The following ARHGAP24 variants were observed in gnomAD, a reference collection of about 807,000 sequenced individuals.
ARHGAP24 encodes rho GTPase-activating protein 24.
Under a neutral mutation model 76.4 loss-of-function variants are expected in ARHGAP24, and 50 were observed. The ratio of observed to expected loss-of-function variants is 0.65; its 90% CI spans 0.52 to 0.83. The LOEUF (loss-of-function observed/expected upper bound fraction) is 0.83, where lower values mean the gene tolerates loss of function less well. Ranked by LOEUF, ARHGAP24 falls within the 40% of genes least tolerant of loss-of-function variation. The pLI is 0.00. For synonymous variants in ARHGAP24, 345 were observed against 323.3 expected (o/e 1.07, Z -0.72); for missense variants, 930 against 914.2 (o/e 1.02, Z -0.22).
intron 3 of ARHGAP24, among the ~76,000 whole-genome samples, chr4:85,878,998 T>C (rs918919489): frequency 1.3e-5 from 2 of 152,304 alleles, no homozygotes; most frequent in Admixed American, 1.3e-4. Flanking sequence ...CCAAGTACAC[T>C]ACAAAACATT....
intron 5 of ARHGAP24, among the ~76,000 whole-genome samples, chr4:85,971,467 C>T (rs887489556): frequency 1.3e-5 from 2 of 151,810 alleles, no homozygotes; most frequent in Non-Finnish European, 2.9e-5. Context: ...ACTGAGGGTT[C>T]TTTAATTTTT....
Position 85,915,222 on chromosome 4 carries a change from C to T in ARHGAP24, c.269-8426C>T, listed in dbSNP as rs1411425721. On this transcript the variant is annotated intron_variant, in intron 3 of 9. Transcript: ENST00000395184. ...TACATTATATCATTCTTATCTTTGA[C>T]ATGCTCAGCACAAATAGCACACTTT... is the stretch of plus-strand genomic sequence containing the variant. Among the ~76,000 whole-genome samples, 5 of 152,118 alleles carry T rather than the reference C, an allele frequency of 3.3e-5. 1 individual carries two copies. In the East Asian group the frequency reaches 9.6e-4, roughly 29 times the overall value.
intron 2 of ARHGAP24, among the ~76,000 whole-genome samples, chr4:85,683,107 T>TGGGGGGGGG (rs1310671945): frequency 1.6e-3 from 21 of 12,828 alleles, no homozygotes; most frequent in East Asian, 6.6e-3. Context: ...TCTCTCAGTG[T>TGGGGGGGGG]GTGGGGGGGT....
At chr4:85,533,931 T>C (rs1725367577) in intron 1 of ARHGAP24, among the ~76,000 whole-genome samples, 1 of 152,194 alleles carries the variant, frequency 6.6e-6, no homozygotes, top group Admixed American at 6.5e-5. Flanking sequence ...TATAGGAACA[T>C]TTTAAGTTTA....
chr4:85,873,931 A>G (rs1732676816), intron 3 of ARHGAP24, among the ~76,000 whole-genome samples: 1 of 152,206 alleles, frequency 6.6e-6, no homozygotes, highest in Non-Finnish European at 1.5e-5. Flanking sequence ...ATCTACTTTT[A>G]ATAATATATT....
Position 85,594,303 on chromosome 4 carries a change from A to G in ARHGAP24, c.180+23582A>G, listed in dbSNP as rs116029436. Among the ~76,000 whole-genome samples, 1,051 of 152,132 alleles carry G rather than the reference A, an allele frequency of 6.9e-3. 3 individuals are homozygous for G. Among genetic ancestry groups the G allele is most frequent in the Non-Finnish European group, 0.011 (749 of 67,942 alleles). On this transcript the variant is annotated intron_variant, in intron 2 of 9. Transcript: ENST00000395184. ...ACTGATTTTTGTTTGTTGATTTTGT[A>G]TCCTGCACCTTTACTGAATTTGTTT...
At chr4:85,957,302 A>G (rs1272093975) in intron 5 of ARHGAP24, among the ~76,000 whole-genome samples, 2 of 152,304 alleles carry the variant, frequency 1.3e-5, no homozygotes, top group East Asian at 3.9e-4. Context: ...GAATTTATAT[A>G]TTATTGCTCT....
chr4:85,732,141 C>T (rs1317537013), intron 3 of ARHGAP24, among the ~76,000 whole-genome samples: 1 of 152,180 alleles, frequency 6.6e-6, no homozygotes, highest in Admixed American at 6.5e-5. Flanking sequence ...TAGCAAAGTA[C>T]TAAACAAATG....
intron 3 of ARHGAP24, among the ~76,000 whole-genome samples, chr4:85,918,194 A>G (rs1735526826): frequency 6.6e-6 from 1 of 152,080 alleles, no homozygotes; most frequent in Non-Finnish European, 1.5e-5. Context: ...TGTGTATTTC[A>G]ATCTAGTATC....
At position 85,979,710 on chromosome 4, in the gene ARHGAP24, G is replaced by A. The variant is rs141395869; in HGVS notation, c.928+2019G>A. Among the ~76,000 whole-genome samples the A allele has an allele frequency of 2.2e-3, 337 of 152,120 alleles. 4 individuals carry two copies. The highest frequency in any genetic ancestry group is 2.9e-4 in the Non-Finnish European group (20 of 67,994). On this transcript the variant is annotated intron_variant, in intron 8 of 9. Transcript: ENST00000395184. ...TCATCTACTGCTTAGGAACCCAATG[G>A]TATCTTTAAAAGGCAAGACAAATGC...
chr4:85,499,913 G>A (rs943106115), intron 1 of ARHGAP24, among the ~76,000 whole-genome samples: 6 of 152,136 alleles, frequency 3.9e-5, no homozygotes, highest in Admixed American at 1.3e-4. Flanking sequence ...TGGAAAAAAA[G>A]TTAAGCTTAT....
chr4:85,523,147 A>G (rs960942848), intron 1 of ARHGAP24, among the ~76,000 whole-genome samples: 1 of 152,202 alleles, frequency 6.6e-6, no homozygotes, highest in African/African-American at 2.4e-5. Context: ...TGGAGACCAC[A>G]TTCTTTTGTC....
intron 2 of ARHGAP24, among the ~76,000 whole-genome samples, chr4:85,650,474 A>C (rs914705839): frequency 2.0e-5 from 3 of 149,336 alleles, no homozygotes; most frequent in African/African-American, 7.7e-5. Context: ...GTTTTCTTTA[A>C]TCTGTAAAAT....
chr4:85,888,936 C>A (rs1454542916), intron 3 of ARHGAP24, among the ~76,000 whole-genome samples: 5 of 152,118 alleles, frequency 3.3e-5, no homozygotes, highest in Non-Finnish European at 7.3e-5. Context: ...CCATTCATGT[C>A]CCTGCAAAGG....
At chr4:85,506,833 C>T (rs1322400402) in intron 1 of ARHGAP24, among the ~76,000 whole-genome samples, 3 of 152,130 alleles carry the variant, frequency 2.0e-5, no homozygotes, top group African/African-American at 4.8e-5. Flanking sequence ...GCATCAGTCA[C>T]GCTGGGAGCT....
chr4:85,852,865 C>T (rs540523607), intron 3 of ARHGAP24, among the ~76,000 whole-genome samples: 16 of 152,270 alleles, frequency 1.1e-4, no homozygotes, highest in South Asian at 2.1e-4. Flanking sequence ...GAGGGGCATA[C>T]GGCAGCATGA....
chr4:85,645,774 T>C (rs998011459), intron 2 of ARHGAP24, among the ~76,000 whole-genome samples: 1 of 152,140 alleles, frequency 6.6e-6, no homozygotes, highest in African/African-American at 2.4e-5. Flanking sequence ...AAGACACTGA[T>C]AATCCAGCTG....
intron 3 of ARHGAP24, among the ~76,000 whole-genome samples, chr4:85,762,130 G>C (rs1167427485): frequency 2.6e-5 from 4 of 152,292 alleles, no homozygotes; most frequent in Admixed American, 2.6e-4. Context: ...TCCATTTGAA[G>C]TGTCATGTGG....
At chr4:85,585,829 C>A (rs1317063925) in intron 2 of ARHGAP24, among the ~76,000 whole-genome samples, 4 of 152,078 alleles carry the variant, frequency 2.6e-5, no homozygotes, top group African/African-American at 9.7e-5. Context: ...TTTTTCCTAC[C>A]TTTGGTTCCC....
Sources: allele counts gnomAD v4.1 joint callset (sites outside exome capture counted in the v4.1 genomes callset), GRCh38; gene constraint gnomAD v4.1.1; transcripts MANE v1.5; gene names NCBI Gene and HGNC (gene_info 2026-07-23, HGNC 2026-07-21).